Variants in ZSCAN5A observed in about 807,000 individuals in gnomAD.
ZSCAN5A encodes zinc finger and SCAN domain-containing protein 5A.
Under a neutral mutation model 23.7 loss-of-function variants are expected in ZSCAN5A, and 12 were observed. That is an observed-to-expected ratio of 0.51 (90% CI 0.32 to 0.82). The LOEUF (loss-of-function observed/expected upper bound fraction) is 0.82, where lower values mean the gene tolerates loss of function less well. Among genes scored for constraint, ZSCAN5A ranks in the 40% least tolerant of loss-of-function variants. The probability of loss-of-function intolerance (pLI) is 0.03; values close to 1 mark genes in which losing one functional copy is unlikely to be tolerated. For synonymous variants in ZSCAN5A, 257 were observed against 239.9 expected (o/e 1.07, Z -0.66); for missense variants, 597 against 617.9 (o/e 0.97, Z 0.36).
intron 2 of ZSCAN5A, among the ~76,000 whole-genome samples, chr19:56,328,565 C>G (rs1469493711): frequency 6.6e-6 from 1 of 151,396 alleles, no homozygotes; most frequent in Non-Finnish European, 1.5e-5. Flanking sequence ...TCACTTGAAC[C>G]GAGGATTGCA....
intron 2 of ZSCAN5A, chr19:56,244,095 C>T (rs980699137): frequency 1.2e-5 from 17 of 1,429,926 alleles, no homozygotes; most frequent in Non-Finnish European, 1.6e-5. Flanking sequence ...TGCAACAGCC[C>T]TGAGTCAGAG....
At chr19:56,322,153 C>A in intron 2 of ZSCAN5A, 1 of 776,764 alleles carries the variant, frequency 1.3e-6, no homozygotes, top group Non-Finnish European at 2.4e-6. Flanking sequence ...TGGAAGGAGG[C>A]TCCCTGTTAA....
rs192588882 is a variant in ZSCAN5A at position 56,244,042 on chromosome 19, T to C, written c.-127-18869A>G. 2.8e-3 allele frequency: 2,523 copies of C among 900,900 alleles called. 20 individuals carry two copies. The highest frequency in any genetic ancestry group is 0.01 in the South Asian group (669 of 64,616). The allele number at this position is 900,900 out of a possible 1,614,324, so 55.8% of individuals were successfully genotyped here. On this transcript the variant is annotated intron_variant, in intron 2 of 5. Coordinates refer to ENST00000683990, the MANE Select transcript of ZSCAN5A (RefSeq NM_001322064.3). ...ACTGACTGAAATATTCTCCACCAGATATGGCTGCAAATTGCAACTCCTCAT... is the reference window on the plus strand; with the variant it reads ...ACTGACTGAAATATTCTCCACCAGACATGGCTGCAAATTGCAACTCCTCAT...
At chr19:56,254,652 T>TGG (rs11396565) in intron 2 of ZSCAN5A, among the ~76,000 whole-genome samples, 67 of 151,700 alleles carry the variant, frequency 4.4e-4, no homozygotes, top group Non-Finnish European at 5.5e-4. Flanking sequence ...GTTTAATTTT[T>TGG]GGGGGGGGCT....
Position 56,314,699 on chromosome 19 carries a change from C to T in ZSCAN5A, c.-248G>A, listed in dbSNP as rs912892373. On this transcript the variant is annotated 5_prime_UTR_variant, in exon 1 of 6. It adds an upstream start codon to the 5' untranslated region. Transcript: ENST00000683990. ...TCGTTACCATGGTGACCGCGACACACTCAGAAACGTCTACTAGTGACGGTC... is the reference window on the plus strand; with the variant it reads ...TCGTTACCATGGTGACCGCGACACATTCAGAAACGTCTACTAGTGACGGTC... 2 of 152,320 alleles carry T rather than the reference C, an allele frequency of 1.3e-5. No individual in the cohort carries two copies. Among genetic ancestry groups the T allele is most frequent in the Non-Finnish European group, 2.9e-5 (2 of 68,088 alleles). The allele number at this position is 152,320 out of a possible 1,614,324, so 9.4% of individuals were successfully genotyped here.
At chr19:56,341,925 G>A (rs569151320) in intron 2 of ZSCAN5A, among the ~76,000 whole-genome samples, 240 of 151,996 alleles carry the variant, frequency 1.6e-3, no homozygotes, top group Non-Finnish European at 2.7e-3. Flanking sequence ...ACCAAAACCC[G>A]TGAGATGCAA....
At chr19:56,332,445 TA>T (rs1192341193) in intron 2 of ZSCAN5A, among the ~76,000 whole-genome samples, 1 of 152,226 alleles carries the variant, frequency 6.6e-6, no homozygotes, top group Non-Finnish European at 1.5e-5. Context: ...TTTGTTGTTT[TA>T]AAGTCTGTTT....
upstream of ZSCAN5A, among the ~76,000 whole-genome samples, chr19:56,318,463 C>T (rs2041340322): frequency 6.6e-6 from 1 of 152,150 alleles, no homozygotes; most frequent in African/African-American, 2.4e-5. Context: ...TAACCCAACA[C>T]GGTACATCAA....
At chr19:56,277,612 T>TA (rs1219246274) in intron 2 of ZSCAN5A, among the ~76,000 whole-genome samples, 1 of 152,088 alleles carries the variant, frequency 6.6e-6, no homozygotes, top group Non-Finnish European at 1.5e-5. Context: ...AAAACTGGTG[T>TA]AGTGATGGTC....
chr19:56,347,616 C>T (rs2041642705), intron 2 of ZSCAN5A: 1 of 152,118 alleles, frequency 6.6e-6, no homozygotes, highest in Non-Finnish European at 1.5e-5. Flanking sequence ...GGACCAAAAG[C>T]CAGATAAGAC....
chr19:56,315,956 C>T (rs1432768872), upstream of ZSCAN5A: 9 of 152,224 alleles, frequency 5.9e-5, no homozygotes, highest in Admixed American at 5.9e-4. Flanking sequence ...CCACCTTCCT[C>T]CAGGGTCTTT....
At chr19:56,362,670 C>A (rs550762831) in intron 2 of ZSCAN5A, among the ~76,000 whole-genome samples, 18 of 152,226 alleles carry the variant, frequency 1.2e-4, no homozygotes, top group Admixed American at 5.9e-4. Flanking sequence ...GAGATTAAGA[C>A]CATCCTGGCT....
chr19:56,254,513 G>A (rs2036568406), intron 2 of ZSCAN5A, among the ~76,000 whole-genome samples: 1 of 152,254 alleles, frequency 6.6e-6, no homozygotes, highest in South Asian at 2.1e-4. Context: ...TTCAGTGAAC[G>A]CTTGGGTAGC....
At chr19:56,365,390 TTC>T (rs2041758025) in intron 1 of ZSCAN5A, among the ~76,000 whole-genome samples, 1 of 152,304 alleles carries the variant, frequency 6.6e-6, no homozygotes, top group Non-Finnish European at 1.5e-5. Context: ...GGCAGGAAGT[TTC>T]TGTTTTTATT....
intron 2 of ZSCAN5A, among the ~76,000 whole-genome samples, chr19:56,349,405 A>G (rs528079767): frequency 1.3e-5 from 2 of 152,294 alleles, no homozygotes; most frequent in South Asian, 4.1e-4. Flanking sequence ...GTGAAGAAAT[A>G]GAAGATCTTG....
intron 2 of ZSCAN5A, among the ~76,000 whole-genome samples, chr19:56,269,827 G>A (rs2037722381): frequency 6.6e-6 from 1 of 152,220 alleles, no homozygotes; most frequent in Non-Finnish European, 1.5e-5. Flanking sequence ...AGAGCCGGCA[G>A]AAGGAATGTA....
chr19:56,281,706 A>G (rs1027498346), intron 2 of ZSCAN5A: 2 of 985,220 alleles, frequency 2.0e-6, no homozygotes, highest in African/African-American at 1.7e-5. Context: ...ACTGTAAGTC[A>G]TATCTCCTTC....
intron 2 of ZSCAN5A, among the ~76,000 whole-genome samples, chr19:56,236,603 C>T (rs369227354): frequency 0.016 from 565 of 34,488 alleles, 3 homozygotes; most frequent in African/African-American, 0.043. Flanking sequence ...CTCTGATGGA[C>T]GGTGGGCCAA....
At chr19:56,244,835 C>T (rs1229188646) in intron 2 of ZSCAN5A, among the ~76,000 whole-genome samples, 1 of 151,322 alleles carries the variant, frequency 6.6e-6, no homozygotes, top group Non-Finnish European at 1.5e-5. Flanking sequence ...TTAGAGTGAA[C>T]TGAAGCGGGG....
Sources: gnomAD v4.1 joint callset for allele counts (sites outside exome capture counted in the v4.1 genomes callset) on GRCh38, gnomAD v4.1.1 for gene constraint, MANE v1.5 for transcripts, NCBI Gene and HGNC (gene_info 2026-07-23, HGNC 2026-07-21) for gene names.